Variants in PDE4B observed in about 807,000 individuals in gnomAD.
The protein encoded by PDE4B is 3',5'-cyclic-AMP phosphodiesterase 4B.
In PDE4B, 20 loss-of-function variants were observed where a neutral mutation model predicts 82.2. The observed-to-expected ratio is 0.24, with a 90% CI of 0.17 to 0.35. The LOEUF (loss-of-function observed/expected upper bound fraction) is 0.35. Among genes scored for constraint, PDE4B ranks in the 10% least tolerant of loss-of-function variants. The probability of loss-of-function intolerance (pLI) is 1.00; values close to 1 mark genes in which losing one functional copy is unlikely to be tolerated. For synonymous variants in PDE4B, 320 were observed against 318.9 expected, an observed-to-expected ratio of 1.00 and a Z score of -0.04; for missense variants, 655 against 907.2, an observed-to-expected ratio of 0.72 and a Z score of 3.57.
At chr1:66,283,058 G>C (rs2101786893) in intron 7 of PDE4B, among the ~76,000 whole-genome samples, 1 of 152,262 alleles carries the variant, frequency 6.6e-6, no homozygotes, top group East Asian at 1.9e-4. Context: ...GTGCTTATGA[G>C]TGCTGGGAAA....
At chr1:65,909,916 C>G (rs1252707169) in intron 1 of PDE4B, among the ~76,000 whole-genome samples, 1 of 151,824 alleles carries the variant, frequency 6.6e-6, no homozygotes, top group Non-Finnish European at 1.5e-5. Flanking sequence ...TTACCAATAT[C>G]AGAAAAAAAA....
intron 3 of PDE4B, among the ~76,000 whole-genome samples, chr1:66,178,636 G>C (rs1646985779): frequency 6.6e-6 from 1 of 152,076 alleles, no homozygotes; most frequent in African/African-American, 2.4e-5. Context: ...TAACTAAAAA[G>C]ATTTTCATTG....
At chr1:66,053,917 AC>A (rs1484046402) in intron 3 of PDE4B, among the ~76,000 whole-genome samples, 1 of 152,178 alleles carries the variant, frequency 6.6e-6, no homozygotes, top group African/African-American at 2.4e-5. Flanking sequence ...AGGATGACCA[AC>A]TATCCTGGTT....
intron 1 of PDE4B, among the ~76,000 whole-genome samples, chr1:65,817,116 G>C (rs1223633737): frequency 2.0e-5 from 3 of 152,130 alleles, no homozygotes; most frequent in Non-Finnish European, 4.4e-5. Context: ...TCTAAAGCCA[G>C]TGTGAAATTG....
intron 16 of PDE4B, 60 bp downstream of exon 16, chr1:66,369,029 T>C: frequency 8.0e-7 from 1 of 1,246,566 alleles, no homozygotes; most frequent in South Asian, 1.6e-5. Context: ...AGCTGGAGGG[T>C]TCTATTTAAT....
chr1:66,328,062 A>C (rs78951511), intron 7 of PDE4B, among the ~76,000 whole-genome samples: 9,552 of 152,316 alleles, frequency 0.063, 380 homozygotes, highest in Middle Eastern at 0.12. Context: ...GATGTTGCAA[A>C]GATTAACGAA....
intron 3 of PDE4B, among the ~76,000 whole-genome samples, chr1:66,129,501 CAA>C (rs569322762): frequency 2.7e-5 from 4 of 148,540 alleles, no homozygotes; most frequent in Non-Finnish European, 3.0e-5. Flanking sequence ...ACTAAAAATA[CAA>C]AAAAAAATTA....
At chr1:66,094,056 A>G (rs1004869145) in intron 3 of PDE4B, among the ~76,000 whole-genome samples, 2 of 152,092 alleles carry the variant, frequency 1.3e-5, no homozygotes, top group African/African-American at 4.8e-5. Flanking sequence ...ATTATAATTC[A>G]TAGTCAGGCA....
chr1:66,216,421 T>C (rs1650466705), intron 3 of PDE4B, among the ~76,000 whole-genome samples: 2 of 152,054 alleles, frequency 1.3e-5, no homozygotes, highest in South Asian at 4.1e-4. Flanking sequence ...GAGTTGAGAT[T>C]TTGCAATAAA....
chr1:65,793,572 C>T (rs895948499), intron 1 of PDE4B, among the ~76,000 whole-genome samples: 5 of 152,078 alleles, frequency 3.3e-5, no homozygotes, highest in African/African-American at 1.2e-4. Flanking sequence ...GCTTGGAAGC[C>T]CTGGAGTAGG....
intron 3 of PDE4B, among the ~76,000 whole-genome samples, chr1:66,053,825 C>T (rs1281858236): frequency 2.0e-5 from 3 of 152,110 alleles, no homozygotes; most frequent in Non-Finnish European, 4.4e-5. Flanking sequence ...TGCCACTGCA[C>T]TCCAGCCTGG....
chr1:65,841,632 A>G (rs549930201), intron 1 of PDE4B, among the ~76,000 whole-genome samples: 9 of 152,310 alleles, frequency 5.9e-5, no homozygotes, highest in Admixed American at 2.0e-4. Context: ...TGATTTAAAT[A>G]TGTTTGAAAA....
intron 3 of PDE4B, among the ~76,000 whole-genome samples, chr1:66,225,497 G>T (rs1651377473): frequency 6.6e-6 from 1 of 152,164 alleles, no homozygotes; most frequent in African/African-American, 2.4e-5. Context: ...TCATTAAGTA[G>T]ATTTGAATGG....
At chr1:66,293,973 A>G (rs1657305332) in intron 7 of PDE4B, among the ~76,000 whole-genome samples, 1 of 152,212 alleles carries the variant, frequency 6.6e-6, no homozygotes, top group Non-Finnish European at 1.5e-5. Flanking sequence ...TGGGAGGCCA[A>G]GCTGGGCAAG....
chr1:66,239,574 G>A (rs1247650015), intron 3 of PDE4B, among the ~76,000 whole-genome samples: 1 of 152,174 alleles, frequency 6.6e-6, no homozygotes, highest in Non-Finnish European at 1.5e-5. Context: ...TACCTGGAAA[G>A]GGATAGACAG....
chr1:66,049,325 T>C (rs1346452781), intron 3 of PDE4B, among the ~76,000 whole-genome samples: 1 of 152,060 alleles, frequency 6.6e-6, no homozygotes, highest in Non-Finnish European at 1.5e-5. Flanking sequence ...GTTACCCTCA[T>C]GGATTTCATA....
intron 3 of PDE4B, among the ~76,000 whole-genome samples, chr1:66,183,261 G>GA (rs1423940258): frequency 1.3e-5 from 2 of 152,116 alleles, no homozygotes; most frequent in Non-Finnish European, 2.9e-5. Flanking sequence ...CTTGTTTGGG[G>GA]ATATGTCTTT....
chr1:66,064,867 GA>G (rs35149510), intron 3 of PDE4B, among the ~76,000 whole-genome samples: 10,531 of 151,296 alleles, frequency 0.07, 661 homozygotes, highest in East Asian at 0.26. Context: ...AGGTTAAAAA[GA>G]AAAAAAAGTT....
intron 8 of PDE4B, among the ~76,000 whole-genome samples, chr1:66,343,951 T>C (rs1661209306): frequency 6.6e-6 from 1 of 152,176 alleles, no homozygotes; most frequent in South Asian, 2.1e-4. Context: ...TTTTGTATGA[T>C]GGTGAGAAGC....
Sources: gnomAD v4.1 joint callset for allele counts (sites outside exome capture counted in the v4.1 genomes callset) on GRCh38, gnomAD v4.1.1 for gene constraint, MANE v1.5 for transcripts, NCBI Gene and HGNC (gene_info 2026-07-23, HGNC 2026-07-21) for gene names.